POLE: variants seen among roughly 807,000 people sequenced by gnomAD.
POLE encodes DNA polymerase epsilon catalytic subunit A.
A neutral mutation model predicts 279.2 loss-of-function variants in POLE; 188 were observed. The observed-to-expected ratio is 0.67, with a 90% confidence interval of 0.60 to 0.76. The LOEUF is 0.76. Among genes scored for constraint, POLE ranks in the 30% least tolerant of loss-of-function variants. The pLI, the probability that POLE is intolerant of heterozygous loss-of-function variation, is 0.00. For synonymous variants in POLE, 1,214 were observed against 1,172.5 expected (o/e 1.04, Z -0.72); for missense variants, 2,703 against 3,016.7 (o/e 0.90, Z 2.44).
Position 132,664,101 on chromosome 12 carries a change from T to C in POLE, c.2609A>G (p.Asn870Ser), listed in dbSNP as rs1060500875. Reference protein sequence around the residue: ...DTDGIWCVLPNSFPENFVFKT... With the variant: ...DTDGIWCVLPSSFPENFVFKT... ...GAAGACAAAATTTTCTGGGAAGCTG[T>C]TGGGCAGGACGCACCATATACCATC... Residue 870 changes from asparagine to serine, a missense_variant, in exon 23 of 49, where the codon AAC becomes AGC. Coordinates refer to ENST00000320574, the MANE Select transcript of POLE (RefSeq NM_006231.4). This position sits in a 1 kb window ranked among gnomAD's most constrained non-coding sequence, Gnocchi z 5.3. The C allele has an allele frequency of 1.2e-6, 2 of 1,614,104 alleles. No homozygotes were observed. Among genetic ancestry groups the C allele is most frequent in the African/African-American group, 1.3e-5 (1 of 74,946 alleles).
intron 29 of POLE, among the ~76,000 whole-genome samples, chr12:132,656,195 G>A (rs949862328): frequency 6.6e-6 from 1 of 152,080 alleles, no homozygotes; most frequent in African/African-American, 2.4e-5. Context: ...CCAGGAGGCA[G>A]AAGCTGCAGT....
chr12:132,648,235 C>T (rs1195534834), intron 32 of POLE, among the ~76,000 whole-genome samples: 1 of 151,974 alleles, frequency 6.6e-6, no homozygotes, highest in Admixed American at 6.6e-5. Flanking sequence ...AACAGGCAAA[C>T]CCAGAGACAG....
Position 132,634,654 on chromosome 12 carries a change from C to T in POLE, c.5812-276G>A, listed in dbSNP as rs1350528957. ...TCCAGAGTTCACTTTAATTGTTGAA[C>T]TCCCACCCCCCAAGGACGAAAGAAC... On this transcript the variant is annotated intron_variant, in intron 42 of 48. Transcript: ENST00000320574. This position sits in a 1 kb window ranked among gnomAD's most constrained non-coding sequence, Gnocchi z 4.0. Among the ~76,000 whole-genome samples the T allele has an allele frequency of 6.7e-6, 1 of 148,876 alleles. No homozygotes were observed. The highest frequency in any genetic ancestry group is 1.5e-5 in the Non-Finnish European group (1 of 66,612).
chr12:132,668,499 G>A lies in POLE; in HGVS notation c.2030C>T (p.Pro677Leu), dbSNP rs2135976402. 2 of 1,591,302 alleles carry A rather than the reference G, an allele frequency of 1.3e-6. No homozygotes were observed. The highest frequency in any genetic ancestry group is 1.7e-6 in the Non-Finnish European group (2 of 1,166,358). The change falls in exon 19 of 49, where the codon CCA becomes CTA. Residue 677 changes from proline to leucine, a missense_variant. Coordinates refer to ENST00000320574, the MANE Select transcript of POLE (RefSeq NM_006231.4). This position sits in a 1 kb window ranked among gnomAD's most constrained non-coding sequence, Gnocchi z 4.0. The stretch of plus-strand genomic sequence containing the variant: ...CCGATGGTATTCGCTGCGACTGGCT[G>A]GCACTGGGAAGGAGGCAATGGGGGC... ...MAWQWRGEFM[P>L]ASRSEYHRIQ...
At chr12:132,625,795 G>T (rs758067725) in intron 46 of POLE, 25 bp from the exon 47 acceptor site, 141 of 1,603,890 alleles carry the variant, frequency 8.8e-5, no homozygotes, top group Non-Finnish European at 1.2e-4. Context: ...AGTGCGAGAG[G>T]TCACCAGCCC....
At chr12:132,669,014 A>AT (rs2042864420) in intron 16 of POLE, 75 bp from the exon 17 acceptor site, 1 of 1,465,204 alleles carries the variant, frequency 6.8e-7, no homozygotes, top group Non-Finnish European at 9.3e-7. Context: ...CCCCTTTTAG[A>AT]CATTCAGGAG....
intron 1 of POLE, among the ~76,000 whole-genome samples, chr12:132,681,909 G>A (rs1485669643): frequency 3.9e-5 from 6 of 152,332 alleles, no homozygotes; most frequent in East Asian, 1.9e-4. Flanking sequence ...GTCAGGCCAG[G>A]CACAGTGGCT....
In POLE at chr12:132,687,321, C is replaced by A. The variant is rs534524789; in HGVS notation, c.-6G>T. On this transcript the variant is annotated 5_prime_UTR_variant, in exon 1 of 49. Transcript: ENST00000320574. ...CCGCCGCTCCTCAGAGACATGGAGC[C>A]GTTGGCTACCACCTCTGCTTCAGGG... 1.3e-6 allele frequency: 2 copies of A among 1,499,624 alleles called. No individual in the cohort carries two copies. The highest frequency in any genetic ancestry group is 1.4e-5 in the African/African-American group (1 of 69,996). 92.9% of individuals were successfully genotyped at this position (1,499,624 alleles called of 1,614,324 possible).
intron 6 of POLE, 109 bp from the exon 7 acceptor site, chr12:132,677,828 A>C (rs1337007935): frequency 1.9e-6 from 2 of 1,045,418 alleles, no homozygotes; most frequent in Non-Finnish European, 2.8e-6. Flanking sequence ...AACCGAGGAA[A>C]CACAAAAGGT....
intron 30 of POLE, 51 bp from the exon 31 acceptor site, chr12:132,649,566 C>G (rs776221615): frequency 6.3e-7 from 1 of 1,598,644 alleles, no homozygotes. Flanking sequence ...GATGGGAATG[C>G]CCGCCATGAC....
intron 41 of POLE, among the ~76,000 whole-genome samples, chr12:132,637,631 A>C (rs1027080048): frequency 2.6e-5 from 4 of 152,100 alleles, no homozygotes; most frequent in Admixed American, 2.6e-4. Context: ...ACACCACTCC[A>C]CTCGCCAACA....
At chr12:132,625,042 G>T in intron 47 of POLE, 48 bp from the exon 48 acceptor site, 1 of 1,410,994 alleles carries the variant, frequency 7.1e-7, no homozygotes, top group South Asian at 1.2e-5. Context: ...GCGCTGGCCA[G>T]ACCTGCCTGC....
intron 1 of POLE, among the ~76,000 whole-genome samples, chr12:132,682,299 A>AT (rs2043184286): frequency 2.2e-5 from 2 of 91,048 alleles, no homozygotes; most frequent in African/African-American, 6.5e-5. Flanking sequence ...GGCAAAAAAA[A>AT]AAAAATAAAT....
At chr12:132,676,070 G>C in intron 10 of POLE, 24 bp downstream of exon 10, 1 of 1,478,976 alleles carries the variant, frequency 6.8e-7, no homozygotes, top group Non-Finnish European at 9.4e-7. Flanking sequence ...ATACCGGGTA[G>C]TTTCCCAAGT....
Position 132,642,391 on chromosome 12 carries a change from A to G in POLE, c.4959T>C (p.Phe1653=), listed in dbSNP as rs1436667644. 6.3e-7 allele frequency: 1 copy of G among 1,578,484 alleles called. No individual in the cohort carries two copies. Among genetic ancestry groups the G allele is most frequent in the East Asian group, 2.3e-5 (1 of 44,360 alleles). The change falls in exon 38 of 49, where the codon TTT becomes TTC. Residue 1653 remains phenylalanine, a synonymous_variant. Coordinates refer to ENST00000320574, the MANE Select transcript of POLE (RefSeq NM_006231.4). ...LSQAFEMSRY[F]HIPIGNLPED... is the part of the protein sequence containing the mutation. ...CTGGTAGGTTCCCAATGGGAATGTGAAAGTACCTGCACCAGGGCACAGGTC... is the reference window on the plus strand; with the variant it reads ...CTGGTAGGTTCCCAATGGGAATGTGGAAGTACCTGCACCAGGGCACAGGTC...
intron 45 of POLE, among the ~76,000 whole-genome samples, chr12:132,630,590 A>C (rs983403746): frequency 2.0e-5 from 3 of 152,144 alleles, no homozygotes; most frequent in Non-Finnish European, 4.4e-5. Context: ...TCTCCACTAA[A>C]AATACAAAAA....
At chr12:132,679,751 G>C in intron 5 of POLE, 100 bp from the exon 6 acceptor site, 2 of 1,375,768 alleles carry the variant, frequency 1.5e-6, no homozygotes, top group African/African-American at 2.9e-5. Context: ...CAAAGAGTTG[G>C]CGACTTCAAG....
intron 32 of POLE, 117 bp from the exon 33 acceptor site, chr12:132,644,094 A>T: frequency 1.1e-6 from 1 of 935,886 alleles, no homozygotes; most frequent in South Asian, 1.7e-5. Context: ...GCGACGGGGT[A>T]CACCCACCAC....
intron 27 of POLE, 60 bp downstream of exon 27, chr12:132,657,808 T>C: frequency 8.6e-7 from 1 of 1,163,304 alleles, no homozygotes; most frequent in Non-Finnish European, 1.3e-6. Flanking sequence ...TCAGACATAT[T>C]CTGCTCTGTC....
Sources: allele counts gnomAD v4.1 joint callset (sites outside exome capture counted in the v4.1 genomes callset), GRCh38; gene constraint gnomAD v4.1.1; non-coding constraint Gnocchi (gnomAD v3.1); transcripts MANE v1.5; gene names NCBI Gene and HGNC (gene_info 2026-07-23, HGNC 2026-07-21).